The following ARHGAP42 variants were observed in gnomAD, a reference collection of about 807,000 sequenced individuals.
The protein encoded by ARHGAP42 is rho GTPase-activating protein 42.
Under a neutral mutation model 125.0 loss-of-function variants are expected in ARHGAP42, and 63 were observed. The ratio of observed to expected loss-of-function variants is 0.50; its 90% CI spans 0.41 to 0.62. The LOEUF (loss-of-function observed/expected upper bound fraction) is 0.62. Among genes scored for constraint, ARHGAP42 ranks in the 20% least tolerant of loss-of-function variants. ARHGAP42 has a pLI of 0.00. For missense variants in ARHGAP42, 766 were observed against 1,024.2 expected, an observed-to-expected ratio of 0.75 and a Z score of 3.44; for synonymous variants, 339 against 351.0, an observed-to-expected ratio of 0.97 and a Z score of 0.38.
chr11:100,841,588 T>C (rs1864948216), intron 3 of ARHGAP42, among the ~76,000 whole-genome samples: 1 of 152,228 alleles, frequency 6.6e-6, no homozygotes, highest in Admixed American at 6.5e-5. Flanking sequence ...TTTCATACCA[T>C]GGTTCTCAAG....
intron 3 of ARHGAP42, among the ~76,000 whole-genome samples, chr11:100,837,263 T>C (rs954570571): frequency 5.3e-5 from 8 of 152,134 alleles, no homozygotes; most frequent in Admixed American, 5.3e-4. Context: ...GTTATCCAAA[T>C]TAGGAAGTTT....
intron 1 of ARHGAP42, among the ~76,000 whole-genome samples, chr11:100,762,700 G>A (rs935011498): frequency 5.3e-5 from 8 of 152,056 alleles, no homozygotes; most frequent in African/African-American, 1.9e-4. Context: ...TTTTCATTGT[G>A]TTTTTCTTAT....
In ARHGAP42 at chr11:100,808,740, C is replaced by A. The variant is rs563710874; in HGVS notation, c.312+13574C>A. On this transcript the variant is annotated intron_variant, in intron 3 of 23. Coordinates refer to ENST00000298815, the MANE Select transcript of ARHGAP42 (RefSeq NM_152432.4). ...TTAACTATAAAAAATAACTAGAAAT[C>A]GGGTGTATTCTTTACTGACAATTTC... is the stretch of plus-strand genomic sequence containing the variant. Among the ~76,000 whole-genome samples, 8 of 152,282 alleles carry A rather than the reference C, an allele frequency of 5.3e-5. No individual in the cohort carries two copies. In the East Asian group the frequency reaches 1.5e-3, roughly 29 times the overall value.
intron 8 of ARHGAP42, among the ~76,000 whole-genome samples, chr11:100,937,406 C>G (rs11224527): frequency 0.1 from 15,277 of 152,032 alleles, 990 homozygotes; most frequent in East Asian, 0.29. Flanking sequence ...ACTTAGGACT[C>G]TAAGGAAATT....
intron 17 of ARHGAP42, among the ~76,000 whole-genome samples, chr11:100,967,745 C>T (rs147348380): frequency 0.011 from 1,678 of 152,118 alleles, 57 homozygotes; most frequent in Admixed American, 0.061. Context: ...GACAGAGTCT[C>T]GCTCTGTCGC....
chr11:100,939,799 T>C (rs1867827417), intron 8 of ARHGAP42, among the ~76,000 whole-genome samples: 1 of 152,186 alleles, frequency 6.6e-6, no homozygotes, highest in Non-Finnish European at 1.5e-5. Context: ...GAAAGCAGCA[T>C]GTGTTTGCAG....
chr11:100,777,981 C>T (rs1193848323), intron 2 of ARHGAP42, among the ~76,000 whole-genome samples: 1 of 152,064 alleles, frequency 6.6e-6, no homozygotes, highest in African/African-American at 2.4e-5. Context: ...CCAGGAGTCC[C>T]AGACCATCCT....
intron 1 of ARHGAP42, among the ~76,000 whole-genome samples, chr11:100,697,968 A>C (rs1233363152): frequency 6.6e-6 from 1 of 152,232 alleles, no homozygotes; most frequent in East Asian, 1.9e-4. Context: ...CCTTCTATGA[A>C]AAAGTTACTC....
At position 100,936,210 on chromosome 11, in the gene ARHGAP42, A is replaced by G. The variant is rs1313063305; in HGVS notation, c.710A>G (p.Asn237Ser). Residue 237 changes from asparagine to serine, a missense_variant, in exon 8 of 24, where the codon AAT becomes AGT. Physicochemically the swap from Asn to Ser is conservative, Grantham distance 46. This residue lies in a region of ARHGAP42 where 455 missense variants were observed against 636.5 expected (regional missense o/e 0.71). Coordinates refer to ENST00000298815, the MANE Select transcript of ARHGAP42 (RefSeq NM_152432.4). ...QLQFNLQNTR[N>S]NFESTRQEVE... Reference sequence around the variant, plus strand: ...TGTTTCTGTTTACTTAAGACAAGGAATAATTTTGAAAGTACTCGACAAGAG... The same window carrying G: ...TGTTTCTGTTTACTTAAGACAAGGAGTAATTTTGAAAGTACTCGACAAGAG... 5.2e-6 allele frequency: 8 copies of G among 1,551,500 alleles called. No homozygotes were observed.
At chr11:100,707,262 T>C (rs899415918) in intron 1 of ARHGAP42, among the ~76,000 whole-genome samples, 3 of 152,222 alleles carry the variant, frequency 2.0e-5, no homozygotes, top group African/African-American at 7.2e-5. Context: ...CTTGGGTATA[T>C]ACCTAGGAGT....
chr11:100,988,131 T>C (rs997395997), intron 23 of ARHGAP42, among the ~76,000 whole-genome samples: 1 of 152,108 alleles, frequency 6.6e-6, no homozygotes, highest in Admixed American at 6.6e-5. Context: ...TGTCTATAAA[T>C]AAATAAAACA....
At chr11:100,897,342 T>A (rs1316331182) in intron 4 of ARHGAP42, among the ~76,000 whole-genome samples, 3 of 152,218 alleles carry the variant, frequency 2.0e-5, no homozygotes, top group African/African-American at 7.2e-5. Flanking sequence ...TGGTTCCATA[T>A]GAACTTTAAA....
chr11:100,962,272 T>G lies in ARHGAP42; in HGVS notation c.1386-137T>G, dbSNP rs984127524. The G allele has an allele frequency of 5.4e-6, 4 of 735,836 alleles. No individual in the cohort carries two copies. The African/African-American group carries it at 7.1e-5, about 13-fold the overall frequency. 45.6% of individuals were successfully genotyped at this position (735,836 alleles called of 1,614,324 possible). A position where few individuals can be genotyped will look rare whatever the true frequency, so the allele number is the denominator to read the frequency against. On this transcript the variant is annotated intron_variant, in intron 15 of 23. Coordinates refer to ENST00000298815, the MANE Select transcript of ARHGAP42 (RefSeq NM_152432.4). ...ATCATACTGCCAAATCACCCAATTC[T>G]TTTATTTACTTATTTATGTGTTATT... is the stretch of plus-strand genomic sequence containing the variant.
intron 1 of ARHGAP42, among the ~76,000 whole-genome samples, chr11:100,705,711 C>A (rs1376446244): frequency 6.6e-6 from 1 of 152,124 alleles, no homozygotes; most frequent in African/African-American, 2.4e-5. Context: ...CTTACCTGGA[C>A]ACATGCATTA....
chr11:100,955,054 C>A (rs904916132), intron 12 of ARHGAP42, among the ~76,000 whole-genome samples: 2 of 152,036 alleles, frequency 1.3e-5, no homozygotes, highest in Admixed American at 6.6e-5. Context: ...TTTTGAATTG[C>A]TAGGAAATTG....
At chr11:100,763,989 T>TCTCCTC (rs953531735) in intron 1 of ARHGAP42, among the ~76,000 whole-genome samples, 2 of 150,598 alleles carry the variant, frequency 1.3e-5, no homozygotes, top group Non-Finnish European at 3.0e-5. Flanking sequence ...TCCTCTTCCT[T>TCTCCTC]CTCCTCCTCC....
intron 1 of ARHGAP42, among the ~76,000 whole-genome samples, chr11:100,716,472 G>A (rs1047411356): frequency 3.3e-5 from 5 of 152,114 alleles, no homozygotes; most frequent in African/African-American, 7.2e-5. Context: ...TTCAGAAAAC[G>A]AACCAATAGT....
intron 7 of ARHGAP42, among the ~76,000 whole-genome samples, chr11:100,935,761 T>C (rs1867721966): frequency 6.6e-6 from 1 of 152,016 alleles, no homozygotes; most frequent in Non-Finnish European, 1.5e-5. Context: ...AACTCAGACC[T>C]TGGGACCCAA....
At chr11:100,904,076 A>G (rs1866652577) in intron 4 of ARHGAP42, among the ~76,000 whole-genome samples, 1 of 152,078 alleles carries the variant, frequency 6.6e-6, no homozygotes, top group Non-Finnish European at 1.5e-5. Flanking sequence ...ATACCCACAC[A>G]GACAGACCCA....
Sources: allele counts gnomAD v4.1 joint callset (sites outside exome capture counted in the v4.1 genomes callset), GRCh38; gene constraint gnomAD v4.1.1; regional missense constraint gnomAD v4.1.1; transcripts MANE v1.5; gene names NCBI Gene and HGNC (gene_info 2026-07-23, HGNC 2026-07-21).